Variants in PIBF1 observed in about 807,000 individuals in gnomAD.
The protein encoded by PIBF1 is progesterone immunomodulatory binding factor 1.
In PIBF1, 90 loss-of-function variants were observed where a neutral mutation model predicts 112.5. That is an observed-to-expected ratio of 0.80 (90% CI 0.67 to 0.95). The LOEUF is 0.95. PIBF1 is among the 40% of genes least tolerant of loss of function. The probability of loss-of-function intolerance (pLI) is 0.00; values close to 1 mark genes in which losing one functional copy is unlikely to be tolerated. For missense variants in PIBF1, 915 were observed against 852.3 expected (o/e 1.07, Z -0.92); for synonymous variants, 301 against 288.6 (o/e 1.04, Z -0.44).
intron 6 of PIBF1, among the ~76,000 whole-genome samples, chr13:72,823,972 G>T (rs2036683059): frequency 6.6e-6 from 1 of 152,024 alleles, no homozygotes; most frequent in Non-Finnish European, 1.5e-5. Context: ...AAAGTAGAGG[G>T]AGAATGAGGA....
intron 15 of PIBF1, among the ~76,000 whole-genome samples, chr13:72,966,249 T>C (rs2042736082): frequency 6.6e-6 from 1 of 152,186 alleles, no homozygotes; most frequent in Non-Finnish European, 1.5e-5. Flanking sequence ...TGGTAACTAA[T>C]TCCAAAGTAT....
chr13:72,925,248 T>C (rs1047816596), intron 13 of PIBF1, among the ~76,000 whole-genome samples: 3 of 152,096 alleles, frequency 2.0e-5, no homozygotes, highest in African/African-American at 7.2e-5. Flanking sequence ...CACAAATAAA[T>C]TTAATTTAAA....
chr13:72,852,650 C>G (rs1474315092), intron 9 of PIBF1, among the ~76,000 whole-genome samples: 1 of 152,198 alleles, frequency 6.6e-6, no homozygotes, highest in African/African-American at 2.4e-5. Flanking sequence ...GATCCTGTGA[C>G]AGCACCACCA....
At chr13:72,893,628 A>G (rs2040144352) in intron 10 of PIBF1, among the ~76,000 whole-genome samples, 156 bp from the exon 11 acceptor site, 1 of 152,132 alleles carries the variant, frequency 6.6e-6, no homozygotes, top group Non-Finnish European at 1.5e-5. Flanking sequence ...TCATACATAT[A>G]CCTACCTAAA....
At chr13:72,926,912 G>A (rs886699558) in intron 13 of PIBF1, among the ~76,000 whole-genome samples, 10 of 152,128 alleles carry the variant, frequency 6.6e-5, no homozygotes, top group Non-Finnish European at 1.3e-4. Flanking sequence ...TGTATTCTCA[G>A]TGCCTATGCA....
chr13:72,878,953 T>C (rs961390076), intron 10 of PIBF1, among the ~76,000 whole-genome samples: 4 of 152,178 alleles, frequency 2.6e-5, no homozygotes, highest in African/African-American at 9.6e-5. Context: ...AGTAGTGTTA[T>C]AATGGTATAT....
At chr13:72,984,084 A>AT (rs537328940) in intron 16 of PIBF1, among the ~76,000 whole-genome samples, 24 of 150,748 alleles carry the variant, frequency 1.6e-4, no homozygotes, top group Non-Finnish European at 2.4e-4. Context: ...TTTTAGAAAG[A>AT]TTTTTTTTTT....
intron 16 of PIBF1, among the ~76,000 whole-genome samples, chr13:72,996,032 T>A (rs762660334): frequency 8.1e-6 from 1 of 122,904 alleles, no homozygotes; most frequent in African/African-American, 3.1e-5. Flanking sequence ...GAAGAAAAGA[T>A]TGACATATTC....
At chr13:72,962,212 G>A (rs1487544990) in intron 14 of PIBF1, among the ~76,000 whole-genome samples, 3 of 152,100 alleles carry the variant, frequency 2.0e-5, no homozygotes, top group African/African-American at 7.2e-5. Flanking sequence ...TTCTGGTATA[G>A]GTTATGTGAA....
At chr13:72,859,591 C>T (rs1055924105) in intron 10 of PIBF1, among the ~76,000 whole-genome samples, 6 of 151,944 alleles carry the variant, frequency 3.9e-5, no homozygotes, top group African/African-American at 1.4e-4. Flanking sequence ...AAGTAAGGAT[C>T]TAATAGATCT....
At chr13:72,923,250 G>A (rs1241083695) in intron 13 of PIBF1, among the ~76,000 whole-genome samples, 1 of 152,150 alleles carries the variant, frequency 6.6e-6, no homozygotes, top group African/African-American at 2.4e-5. Context: ...GTCCACATTT[G>A]CTAGGCTAAA....
intron 12 of PIBF1, among the ~76,000 whole-genome samples, chr13:72,914,513 T>C (rs9530115): frequency 0.1 from 15,618 of 152,220 alleles, 1,091 homozygotes; most frequent in Non-Finnish European, 0.15. Context: ...CACCTGCCTT[T>C]GTTTATTTTC....
At chr13:72,950,227 G>A (rs17283860) in intron 14 of PIBF1, among the ~76,000 whole-genome samples, 30,637 of 151,952 alleles carry the variant, frequency 0.2, 3,201 homozygotes, top group Middle Eastern at 0.26. Flanking sequence ...CTATTCCTCC[G>A]AATTATTTAT....
At chr13:72,815,787 G>C (rs760262424) in intron 5 of PIBF1, among the ~76,000 whole-genome samples, 1 of 152,104 alleles carries the variant, frequency 6.6e-6, no homozygotes, top group Non-Finnish European at 1.5e-5. Flanking sequence ...CACATCAGCC[G>C]CTTGAGTAGC....
chr13:72,926,117 C>G (rs574596384), intron 13 of PIBF1, among the ~76,000 whole-genome samples: 77 of 152,140 alleles, frequency 5.1e-4, no homozygotes, highest in African/African-American at 1.6e-3. Context: ...GAGGTAAGGG[C>G]TTTGTACTGT....
intron 10 of PIBF1, among the ~76,000 whole-genome samples, chr13:72,880,583 A>G (rs1160796991): frequency 6.6e-6 from 1 of 152,206 alleles, no homozygotes; most frequent in Non-Finnish European, 1.5e-5. Context: ...ACAGGTAGTA[A>G]AGAGTGGTAT....
At chr13:72,901,540 C>T (rs2040485196) in intron 11 of PIBF1, among the ~76,000 whole-genome samples, 1 of 152,030 alleles carries the variant, frequency 6.6e-6, no homozygotes, top group Non-Finnish European at 1.5e-5. Flanking sequence ...AAAAAATTAG[C>T]CAGGCATGGT....
intron 6 of PIBF1, among the ~76,000 whole-genome samples, chr13:72,823,351 A>G (rs1338792662): frequency 1.3e-5 from 2 of 152,190 alleles, no homozygotes; most frequent in Admixed American, 6.5e-5. Flanking sequence ...TATCACCTCT[A>G]TTTTTACATA....
chr13:73,001,604 A>C (rs1594350475), intron 17 of PIBF1, among the ~76,000 whole-genome samples: 4 of 10,438 alleles, frequency 3.8e-4, no homozygotes, highest in East Asian at 6.7e-3. Context: ...TTTTTTTGAC[A>C]CTTAGGTCTT....
Sources: allele counts gnomAD v4.1 joint callset (sites outside exome capture counted in the v4.1 genomes callset), GRCh38; gene constraint gnomAD v4.1.1; transcripts MANE v1.5; gene names NCBI Gene and HGNC (gene_info 2026-07-23, HGNC 2026-07-21).